Variants in CACNA1A observed in about 807,000 individuals in gnomAD.
CACNA1A encodes calcium voltage-gated channel subunit alpha1 A.
Under a neutral mutation model 262.4 loss-of-function variants are expected in CACNA1A, and 57 were observed. The observed-to-expected ratio is 0.22, with a 90% CI of 0.18 to 0.27. CACNA1A has a LOEUF of 0.27. CACNA1A is among the 10% of genes least tolerant of loss of function. The pLI is 1.00. For missense variants in CACNA1A, 2,526 were observed against 3,562.8 expected, an observed-to-expected ratio of 0.71 and a Z score of 7.41; for synonymous variants, 1,431 against 1,419.3, an observed-to-expected ratio of 1.01 and a Z score of -0.18.
Position 13,214,360 on chromosome 19 carries a change from C to T in CACNA1A, c.5840-27G>A, listed in dbSNP as rs1290761378. On this transcript the variant is annotated intron_variant, in intron 39 of 46. Transcript: ENST00000360228. The surrounding 1 kb of genome is among the most constrained non-coding windows in gnomAD (Gnocchi z 4.1). ...TGGGGGCACACACACGGTGAGCTCA[C>T]CAAGGGCAGGCCTCTTTGGGGCCCT... is the stretch of plus-strand genomic sequence containing the variant. 4 of 1,608,580 alleles carry T rather than the reference C, an allele frequency of 2.5e-6. No homozygotes were observed. The highest frequency in any genetic ancestry group is 3.4e-6 in the Non-Finnish European group (4 of 1,176,692).
chr19:13,403,696 A>T (rs1049705659), intron 3 of CACNA1A, among the ~76,000 whole-genome samples: 16 of 152,038 alleles, frequency 1.1e-4, no homozygotes, highest in African/African-American at 3.6e-4. Flanking sequence ...AGCATGTTGG[A>T]AGGCCGAGGT....
At chr19:13,436,696 C>T (rs1257132723) in intron 3 of CACNA1A, among the ~76,000 whole-genome samples, 1 of 152,204 alleles carries the variant, frequency 6.6e-6, no homozygotes, top group East Asian at 1.9e-4. Context: ...AGGAAGGAGA[C>T]AGATGATTAA....
intron 2 of CACNA1A, among the ~76,000 whole-genome samples, chr19:13,454,871 A>G (rs2060978695): frequency 6.6e-6 from 1 of 152,040 alleles, no homozygotes; most frequent in African/African-American, 2.4e-5. Context: ...CAGTGGGAGG[A>G]TGGCTTGAGC....
intron 5 of CACNA1A, among the ~76,000 whole-genome samples, chr19:13,360,320 C>T (rs999338822): frequency 4.1e-5 from 6 of 145,436 alleles, no homozygotes; most frequent in East Asian, 2.2e-4. Flanking sequence ...AGGGAGAGAA[C>T]GGGGGGAGAG....
intron 6 of CACNA1A, among the ~76,000 whole-genome samples, chr19:13,354,164 A>C (rs2058963607): frequency 6.6e-6 from 1 of 152,176 alleles, no homozygotes; most frequent in African/African-American, 2.4e-5. Context: ...AGGATCTTAC[A>C]AAGGGCTGCC....
intron 3 of CACNA1A, among the ~76,000 whole-genome samples, chr19:13,402,091 T>C (rs759991205): frequency 6.6e-6 from 1 of 152,242 alleles, no homozygotes; most frequent in Non-Finnish European, 1.5e-5. Context: ...TCTTCCAGCA[T>C]TGCTTTGTCT....
intron 3 of CACNA1A, among the ~76,000 whole-genome samples, chr19:13,424,453 T>G (rs577630683): frequency 5.6e-4 from 86 of 152,310 alleles, no homozygotes; most frequent in Middle Eastern, 3.4e-3. Flanking sequence ...TTTTATTTTT[T>G]AACTTAATTT....
intron 3 of CACNA1A, among the ~76,000 whole-genome samples, chr19:13,399,298 CT>C (rs2059859278): frequency 6.6e-6 from 1 of 152,012 alleles, no homozygotes; most frequent in Admixed American, 6.6e-5. Context: ...TGAATCACAG[CT>C]GAGTCACTAA....
chr19:13,312,973 C>T (rs1386495761), intron 11 of CACNA1A, among the ~76,000 whole-genome samples, 192 bp from the exon 12 acceptor site: 1 of 152,074 alleles, frequency 6.6e-6, no homozygotes, highest in Admixed American at 6.6e-5. Flanking sequence ...CTCCAACATG[C>T]TAGAACTACA....
intron 4 of CACNA1A, among the ~76,000 whole-genome samples, chr19:13,367,760 G>C (rs2144537762): frequency 6.6e-6 from 1 of 152,152 alleles, no homozygotes; most frequent in South Asian, 2.1e-4. Flanking sequence ...AGTCCCCGAA[G>C]GGACACAGTG....
intron 22 of CACNA1A, 43 bp from the exon 23 acceptor site, chr19:13,277,171 T>C: frequency 7.1e-7 from 1 of 1,410,820 alleles, no homozygotes; most frequent in Non-Finnish European, 1.0e-6. Flanking sequence ...CACTGGCCTG[T>C]TCCAGCAGAG....
At chr19:13,469,590 A>G (rs982470774) in intron 1 of CACNA1A, among the ~76,000 whole-genome samples, 7 of 146,058 alleles carry the variant, frequency 4.8e-5, no homozygotes, top group Non-Finnish European at 8.9e-5. Flanking sequence ...CTGGGACTAC[A>G]GGCGCCCGCC....
At chr19:13,243,270 G>A (rs970820778) in intron 31 of CACNA1A, among the ~76,000 whole-genome samples, 1 of 152,192 alleles carries the variant, frequency 6.6e-6, no homozygotes, top group Non-Finnish European at 1.5e-5. Context: ...ATAGGGTGAG[G>A]GGAAGGGGAA....
chr19:13,211,828 C>A lies in CACNA1A; in HGVS notation c.6303+275G>T. 9.7e-6 allele frequency: 4 copies of A among 411,568 alleles called. No individual in the cohort carries two copies. The South Asian group carries it at 1.3e-4, about 14-fold the overall frequency. The allele number at this position is 411,568 out of a possible 1,614,324, so 25.5% of individuals were successfully genotyped here. ...ACCTCCCCTGTCTGCAGCCTCCAAC[C>A]AGGGCAGCCAGAGACCATTTTGCAG... is the stretch of plus-strand genomic sequence containing the variant. On this transcript the variant is annotated intron_variant, in intron 43 of 46. Transcript: ENST00000360228.
rs1282490994 is a variant in CACNA1A at position 13,335,925 on chromosome 19, A to G, written c.979-16T>C. ...CATCGTTGCTCTGTAGGGTGTGAGG[A>G]GGGAAAGCAGGTGAGAGTTGACTGG... On this transcript the variant is annotated splice_polypyrimidine_tract_variant and intron_variant, in intron 6 of 46. Coordinates refer to ENST00000360228, the MANE Select transcript of CACNA1A (RefSeq NM_001127222.2). 6.7e-7 allele frequency: 1 copy of G among 1,499,738 alleles called. No homozygotes were observed. Among genetic ancestry groups the G allele is most frequent in the African/African-American group, 1.4e-5 (1 of 72,698 alleles). 92.9% of individuals were successfully genotyped at this position (1,499,738 alleles called of 1,614,324 possible). A position where few individuals can be genotyped will look rare whatever the true frequency, so the allele number is the denominator to read the frequency against.
Position 13,214,218 on chromosome 19 carries a change from C to T in CACNA1A, c.5940+15G>A, listed in dbSNP as rs370364972. The T allele has an allele frequency of 4.3e-5, 69 of 1,593,016 alleles. No homozygotes were observed. The African/African-American group carries it at 5.5e-4, about 13-fold the overall frequency. The stretch of plus-strand genomic sequence containing the variant: ...GTCCCCAGCCCAGATGTCCCCAGAG[C>T]GGCGAACAGCGCACCTGCTCCTCGC... On this transcript the variant is annotated intron_variant, in intron 40 of 46. Coordinates refer to ENST00000360228, the MANE Select transcript of CACNA1A (RefSeq NM_001127222.2). The surrounding 1 kb of genome is among the most constrained non-coding windows in gnomAD (Gnocchi z 4.1).
chr19:13,428,307 AT>A (rs1346179955), intron 3 of CACNA1A, among the ~76,000 whole-genome samples: 15 of 152,210 alleles, frequency 9.9e-5, no homozygotes, highest in Admixed American at 6.5e-4. Flanking sequence ...GCTAGTTGTT[AT>A]TCTCATCACA....
intron 6 of CACNA1A, among the ~76,000 whole-genome samples, chr19:13,356,826 CCCAGT>C (rs2059014191): frequency 6.6e-6 from 1 of 152,150 alleles, no homozygotes; most frequent in Admixed American, 6.5e-5. Flanking sequence ...ACAAAAATTC[CCCAGT>C]GAGTTTTGGC....
chr19:13,316,979 G>A, intron 11 of CACNA1A, 133 bp downstream of exon 11: 1 of 616,006 alleles, frequency 1.6e-6, no homozygotes, highest in Non-Finnish European at 2.9e-6. Context: ...GACAGTTATA[G>A]AAATGGCTAA....
Sources: gnomAD v4.1 joint callset for allele counts (sites outside exome capture counted in the v4.1 genomes callset) on GRCh38, gnomAD v4.1.1 for gene constraint, Gnocchi (gnomAD v3.1) non-coding constraint, MANE v1.5 for transcripts, NCBI Gene and HGNC (gene_info 2026-07-23, HGNC 2026-07-21) for gene names.